SRSF10: variants seen among roughly 807,000 people sequenced by gnomAD.
SRSF10 encodes the protein serine/arginine-rich splicing factor 10.
Under a neutral mutation model 32.6 loss-of-function variants are expected in SRSF10, and 9 were observed. The observed-to-expected ratio is 0.28, with a 90% CI of 0.17 to 0.48. The LOEUF is 0.48. Among genes scored for constraint, SRSF10 ranks in the 20% least tolerant of loss-of-function variants. The pLI, the probability that SRSF10 is intolerant of heterozygous loss-of-function variation, is 0.99. For synonymous variants in SRSF10, 105 were observed against 112.4 expected (o/e 0.93, Z 0.42); for missense variants, 201 against 331.8 (o/e 0.61, Z 3.06).
At chr1:23,974,910 T>TAA (rs544220117) in intron 3 of SRSF10, 64 bp downstream of exon 3, 2 of 1,231,496 alleles carry the variant, frequency 1.6e-6, no homozygotes, top group African/African-American at 1.5e-5. Context: ...CTTAAATTCT[T>TAA]AAAAAAAAAT....
Position 23,967,028 on chromosome 1 carries a change from C to T in SRSF10, c.*4114G>A, listed in dbSNP as rs1292416823. The T allele has an allele frequency of 6.6e-6, 1 of 152,006 alleles. No homozygotes were observed. The highest frequency in any genetic ancestry group is 2.4e-5 in the African/African-American group (1 of 41,394). The allele number at this position is 152,006 out of a possible 1,614,324, so 9.4% of individuals were successfully genotyped here. On this transcript the variant is annotated 3_prime_UTR_variant, in exon 6 of 6. Transcript: ENST00000492112. Reference sequence around the variant, plus strand: ...TCAATTATCCAGTACAATGATTTGCCCACAGTAAGGGCTCAATAAATATTT... The same window carrying T: ...TCAATTATCCAGTACAATGATTTGCTCACAGTAAGGGCTCAATAAATATTT...
rs1641539913 is a variant in SRSF10 at position 23,968,038 on chromosome 1, A to C, written c.*3104T>G. The C allele has an allele frequency of 7.9e-6, 12 of 1,528,272 alleles. No individual in the cohort carries two copies. Among genetic ancestry groups the C allele is most frequent in the East Asian group, 7.3e-5 (3 of 40,836 alleles). 94.7% of individuals were successfully genotyped at this position (1,528,272 alleles called of 1,614,324 possible). On this transcript the variant is annotated 3_prime_UTR_variant, in exon 6 of 6. Coordinates refer to ENST00000492112, the MANE Select transcript of SRSF10 (RefSeq NM_054016.4). ...TGTCAGCCCTCATTTGAGTGTTGATATAACCATTCTATTTATCATTGAGCC... is the reference window on the plus strand; with the variant it reads ...TGTCAGCCCTCATTTGAGTGTTGATCTAACCATTCTATTTATCATTGAGCC...
At chr1:23,975,313 GTTA>G in intron 2 of SRSF10, 1 of 440,214 alleles carries the variant, frequency 2.3e-6, no homozygotes, top group Non-Finnish European at 4.0e-6. Context: ...TTGCAGTAAA[GTTA>G]TTATTGAAAT....
intron 3 of SRSF10, among the ~76,000 whole-genome samples, chr1:23,973,696 C>T (rs1641909116): frequency 1.3e-5 from 2 of 152,158 alleles, no homozygotes; most frequent in African/African-American, 4.8e-5. Flanking sequence ...ACCACAGATT[C>T]CATTCATTAA....
rs1163581394 is a variant in SRSF10, at chr1:23,967,131, C to T, written c.*4011G>A. On this transcript the variant is annotated 3_prime_UTR_variant, in exon 6 of 6. Coordinates refer to ENST00000492112, the MANE Select transcript of SRSF10 (RefSeq NM_054016.4). ...GATGTCAAATATAATTGGAATTTAC[C>T]TGGGAAGGAGTAGTTAAGACAGATG... The T allele has an allele frequency of 6.6e-6, 1 of 152,144 alleles. No individual in the cohort carries two copies. The highest frequency in any genetic ancestry group is 1.5e-5 in the Non-Finnish European group (1 of 68,054). 9.4% of individuals were successfully genotyped at this position (152,144 alleles called of 1,614,324 possible).
intron 2 of SRSF10, 175 bp downstream of exon 2, chr1:23,978,538 T>G: frequency 1.2e-6 from 1 of 839,772 alleles, no homozygotes; most frequent in Non-Finnish European, 1.7e-6. Flanking sequence ...TTTACCATTT[T>G]TGGATTAACT....
chr1:23,970,752 G>A lies in SRSF10; in HGVS notation c.*390C>T. On this transcript the variant is annotated 3_prime_UTR_variant, in exon 6 of 6. Coordinates refer to ENST00000492112, the MANE Select transcript of SRSF10 (RefSeq NM_054016.4). ...GTACTGTGGCTACTACTTCACTTTTGTATCATTCTATCTTATTAGCAAGCT... is the reference window on the plus strand; with the variant it reads ...GTACTGTGGCTACTACTTCACTTTTATATCATTCTATCTTATTAGCAAGCT... 1.1e-5 allele frequency: 11 copies of A among 1,015,124 alleles called. No homozygotes were observed. Among genetic ancestry groups the A allele is most frequent in the Non-Finnish European group, 1.3e-5 (11 of 848,948 alleles). 62.9% of individuals were successfully genotyped at this position (1,015,124 alleles called of 1,614,324 possible).
intron 1 of SRSF10, chr1:23,979,049 T>C (rs1019229633): frequency 4.0e-5 from 6 of 150,240 alleles, no homozygotes; most frequent in Non-Finnish European, 7.7e-5. Context: ...AGGTTGTATA[T>C]AAGCCTTGTT....
Position 23,980,261 on chromosome 1 carries a change from C to T in SRSF10, c.-6G>A. The T allele has an allele frequency of 2.7e-6, 4 of 1,484,688 alleles. No homozygotes were observed. Among genetic ancestry groups the T allele is most frequent in the Non-Finnish European group, 3.6e-6 (4 of 1,114,706 alleles). The allele number at this position is 1,484,688 out of a possible 1,614,324, so 92.0% of individuals were successfully genotyped here. ...GGACGCAGGTAGCGGGACATGGCGG[C>T]GGCGTGTCTCGGCCGGGCGCACTAA... On this transcript the variant is annotated 5_prime_UTR_variant, in exon 1 of 6. Coordinates refer to ENST00000492112, the MANE Select transcript of SRSF10 (RefSeq NM_054016.4).
chr1:23,971,336 A>AC lies in SRSF10; in HGVS notation c.594dup (p.Ser199ValfsTer8). On this transcript the variant is annotated frameshift_variant, in exon 6 of 6. Coordinates refer to ENST00000492112, the MANE Select transcript of SRSF10 (RefSeq NM_054016.4). LOFTEE classifies it high-confidence loss of function. ...CCTCTAGTTTTGGTGTGAGATGCAGACCTAGAACGTGATTTAGCCTTCATT... is the reference window on the plus strand; with the variant it reads ...CCTCTAGTTTTGGTGTGAGATGCAGACCCTAGAACGTGATTTAGCCTTCATT... 6.2e-7 allele frequency: 1 copy of AC among 1,612,986 alleles called. No individual in the cohort carries two copies. The highest frequency in any genetic ancestry group is 8.5e-7 in the Non-Finnish European group (1 of 1,179,904).
At position 23,965,648 on chromosome 1, in the gene SRSF10, TAG is replaced by T. The variant is rs1641415879; in HGVS notation, c.*5492_*5493del. 1 of 151,908 alleles carries T rather than the reference TAG, an allele frequency of 6.6e-6. No individual in the cohort carries two copies. The highest frequency in any genetic ancestry group is 1.5e-5 in the Non-Finnish European group (1 of 67,832). The allele number at this position is 151,908 out of a possible 1,614,324, so 9.4% of individuals were successfully genotyped here. On this transcript the variant is annotated 3_prime_UTR_variant, in exon 6 of 6. Coordinates refer to ENST00000492112, the MANE Select transcript of SRSF10 (RefSeq NM_054016.4). ...TCAATAATATTGACAGCATTCAGTA[TAG>T]AGAGAAACAACCACAGAAGAGATCC...
intron 4 of SRSF10, 99 bp from the exon 5 acceptor site, chr1:23,971,725 C>T: frequency 6.6e-7 from 1 of 1,505,382 alleles, no homozygotes; most frequent in South Asian, 1.2e-5. Flanking sequence ...TAAAATGCTA[C>T]AGTATTTTTT....
chr1:23,978,880 T>A, intron 1 of SRSF10, 63 bp from the exon 2 acceptor site: 1 of 1,389,132 alleles, frequency 7.2e-7, no homozygotes, highest in Admixed American at 2.3e-5. Context: ...ATAGGCAATA[T>A]ATCTTTTTGA....
In SRSF10 at chr1:23,971,270, A is replaced by G; in HGVS notation, c.661T>C (p.Ser221Pro). The change falls in exon 6 of 6, where the codon TCA becomes CCA. Residue 221 changes from serine (S) to proline (P), a missense_variant. Ser to Pro is a moderately conservative substitution (Grantham distance 74, BLOSUM62 -1). This residue lies in a region of SRSF10 where 159 missense variants were observed against 196.7 expected (regional missense o/e 0.81). Coordinates refer to ENST00000492112, the MANE Select transcript of SRSF10 (RefSeq NM_054016.4). ...TDSKTHYKSG[S>P]RYEKESRKKE... Reference sequence around the variant, plus strand: ...TTCCTTGATTCCTTTTCATATCTTGAGCCAGACTTATAATGTGTTTTGGAA... The same window carrying G: ...TTCCTTGATTCCTTTTCATATCTTGGGCCAGACTTATAATGTGTTTTGGAA... 6.2e-7 allele frequency: 1 copy of G among 1,613,932 alleles called. No individual in the cohort carries two copies. Among genetic ancestry groups the G allele is most frequent in the Non-Finnish European group, 8.5e-7 (1 of 1,179,920 alleles).
At chr1:23,976,255 T>C (rs1270726523) in intron 2 of SRSF10, 3 of 152,226 alleles carry the variant, frequency 2.0e-5, no homozygotes, top group African/African-American at 7.2e-5. Flanking sequence ...CACTCCTTTT[T>C]TGAGACCGAT....
In SRSF10 at chr1:23,980,307, C is replaced by T; in HGVS notation, c.-52G>A. On this transcript the variant is annotated 5_prime_UTR_variant, in exon 1 of 6. Coordinates refer to ENST00000492112, the MANE Select transcript of SRSF10 (RefSeq NM_054016.4). Reference sequence around the variant, plus strand: ...ACTAACGGGCTCAGCAAACCGTCCGCGGCTCAGGCGGCCGAGCCTCAGACA... The same window carrying T: ...ACTAACGGGCTCAGCAAACCGTCCGTGGCTCAGGCGGCCGAGCCTCAGACA... The T allele has an allele frequency of 7.2e-7, 1 of 1,384,956 alleles. No individual in the cohort carries two copies. Among genetic ancestry groups the T allele is most frequent in the Non-Finnish European group, 9.4e-7 (1 of 1,060,808 alleles). 85.8% of individuals were successfully genotyped at this position (1,384,956 alleles called of 1,614,324 possible).
intron 1 of SRSF10, chr1:23,979,057 GTTT>G (rs71655401): frequency 2.8e-4 from 38 of 134,034 alleles, no homozygotes; most frequent in Admixed American, 8.5e-4. Context: ...TATAAGCCTT[GTTT>G]TTTTTTTTTT....
rs1391007803 is a variant in SRSF10, at chr1:23,980,301, C to A, written c.-46G>T. The A allele has an allele frequency of 1.4e-6, 2 of 1,401,196 alleles. No homozygotes were observed. The highest frequency in any genetic ancestry group is 3.0e-5 in the East Asian group (1 of 32,894). 86.8% of individuals were successfully genotyped at this position (1,401,196 alleles called of 1,614,324 possible). On this transcript the variant is annotated 5_prime_UTR_variant, in exon 1 of 6. Transcript: ENST00000492112. ...GGGCGCACTAACGGGCTCAGCAAACCGTCCGCGGCTCAGGCGGCCGAGCCT... is the reference window on the plus strand; with the variant it reads ...GGGCGCACTAACGGGCTCAGCAAACAGTCCGCGGCTCAGGCGGCCGAGCCT...
Position 23,974,990 on chromosome 1 carries a change from G to A in SRSF10, c.258C>T (p.Ala86=), listed in dbSNP as rs1641998829. ...ICGRQIEIQF[A]QGDRKTPNQM... is the part of the protein sequence containing the mutation. ...GGTACTTACTCTTTCGATCCCCCTGGGCAAACTGTATTTCAATCTGCCGTC... is the reference window on the plus strand; with the variant it reads ...GGTACTTACTCTTTCGATCCCCCTGAGCAAACTGTATTTCAATCTGCCGTC... The change falls in exon 3 of 6, where the codon GCC becomes GCT. Residue 86 remains alanine (A), a synonymous_variant. Coordinates refer to ENST00000492112, the MANE Select transcript of SRSF10 (RefSeq NM_054016.4). The A allele has an allele frequency of 2.5e-6, 4 of 1,613,308 alleles. No homozygotes were observed. The highest frequency in any genetic ancestry group is 3.4e-6 in the Non-Finnish European group (4 of 1,179,484).
Sources: gnomAD v4.1 joint callset for allele counts (sites outside exome capture counted in the v4.1 genomes callset) on GRCh38, gnomAD v4.1.1 for gene constraint, gnomAD v4.1.1 regional missense constraint, MANE v1.5 for transcripts, NCBI Gene and HGNC (gene_info 2026-07-23, HGNC 2026-07-21) for gene names.